Variants in LARS1 observed in about 807,000 individuals in gnomAD.
LARS1 encodes the protein leucine--tRNA ligase, cytoplasmic.
In LARS1, 100 loss-of-function variants were observed where a neutral mutation model predicts 162.8. That is an observed-to-expected ratio of 0.61 (90% CI 0.52 to 0.73). LARS1 has a LOEUF of 0.73. Among genes scored for constraint, LARS1 ranks in the 30% least tolerant of loss-of-function variants. The pLI is 0.00. For synonymous variants in LARS1, 457 were observed against 462.8 expected (o/e 0.99, Z 0.16); for missense variants, 1,258 against 1,408.9 (o/e 0.89, Z 1.71).
intron 29 of LARS1, among the ~76,000 whole-genome samples, chr5:146,123,077 C>T (rs1751897168): frequency 6.6e-6 from 1 of 151,902 alleles, no homozygotes; most frequent in Non-Finnish European, 1.5e-5. Flanking sequence ...TATATATGAA[C>T]ATTTAGATAT....
At chr5:146,151,236 C>G (rs1373237606) in intron 14 of LARS1, among the ~76,000 whole-genome samples, 1 of 151,990 alleles carries the variant, frequency 6.6e-6, no homozygotes. Flanking sequence ...GAAATGTAAC[C>G]AATTCTTGGT....
At chr5:146,172,845 G>A (rs909743978) in intron 2 of LARS1, 71 bp from the exon 3 acceptor site, 13 of 683,086 alleles carry the variant, frequency 1.9e-5, no homozygotes, top group African/African-American at 3.8e-5. Context: ...ATAAGGAAGT[G>A]GGGTGAAGGA....
intron 1 of LARS1, among the ~76,000 whole-genome samples, chr5:146,180,565 C>G (rs776738151): frequency 6.6e-6 from 1 of 152,022 alleles, no homozygotes; most frequent in Non-Finnish European, 1.5e-5. Context: ...GTAAAGAAGA[C>G]TATGAAAGCA....
At chr5:146,143,147 A>G (rs1481131529) in intron 19 of LARS1, 63 bp from the exon 20 acceptor site, 2 of 964,336 alleles carry the variant, frequency 2.1e-6, no homozygotes, top group East Asian at 5.8e-5. Flanking sequence ...TGGAAGAATC[A>G]GTACCTGAAT....
At position 146,129,023 on chromosome 5, in the gene LARS1, G is replaced by A. The variant is rs1433245219; in HGVS notation, c.2724C>T (p.Asp908=). Residue 908 remains aspartate (D), a synonymous_variant, in exon 26 of 32, where the codon GAC becomes GAT. Transcript: ENST00000394434. ...TATAGTTCTTGAGTCGTAGTCTAAG[G>A]TCATGTGTTACTTCCATAAGATACT... ...SSQYLMEVTH[D]LRLRLKNYMM... is the part of the protein sequence containing the mutation. The A allele has an allele frequency of 2.5e-6, 4 of 1,611,158 alleles. No homozygotes were observed. The highest frequency in any genetic ancestry group is 3.4e-6 in the Non-Finnish European group (4 of 1,178,754).
At chr5:146,138,119 C>CAAAAAAA in intron 21 of LARS1, 1 of 118,564 alleles carries the variant, frequency 8.4e-6, no homozygotes, top group Non-Finnish European at 1.7e-5. Context: ...GACTCTATCT[C>CAAAAAAA]AAAAAAAAAA....
intron 3 of LARS1, 134 bp downstream of exon 3, chr5:146,172,553 T>C (rs913755845): frequency 7.0e-6 from 3 of 427,342 alleles, no homozygotes; most frequent in Non-Finnish European, 1.3e-5. Flanking sequence ...ATTACTTAAA[T>C]ATAAAAAATT....
chr5:146,152,091 T>A, intron 13 of LARS1, 89 bp from the exon 14 acceptor site: 1 of 1,385,902 alleles, frequency 7.2e-7, no homozygotes, highest in Non-Finnish European at 1.0e-6. Flanking sequence ...AATGTCCAAT[T>A]AAGTCATTTC....
chr5:146,149,056 C>A (rs1239439479), intron 15 of LARS1, among the ~76,000 whole-genome samples: 1 of 151,398 alleles, frequency 6.6e-6, no homozygotes, highest in Admixed American at 6.6e-5. Context: ...GTCTGTGTAA[C>A]AAGAGCGAAA....
At chr5:146,121,925 T>G (rs1751840192) in intron 30 of LARS1, among the ~76,000 whole-genome samples, 1 of 152,056 alleles carries the variant, frequency 6.6e-6, no homozygotes, top group Non-Finnish European at 1.5e-5. Flanking sequence ...TGTATACCTA[T>G]GTAACAAACC....
chr5:146,123,309 G>A (rs1451230434), intron 29 of LARS1, among the ~76,000 whole-genome samples: 1 of 151,800 alleles, frequency 6.6e-6, no homozygotes, highest in African/African-American at 2.4e-5. Context: ...TTTTGCCTAA[G>A]TTGTCTGAGA....
At position 146,160,402 on chromosome 5, in the gene LARS1, C is replaced by A; in HGVS notation, c.679G>T (p.Glu227Ter). The A allele has an allele frequency of 6.4e-7, 1 of 1,570,806 alleles. No homozygotes were observed. The highest frequency in any genetic ancestry group is 8.6e-7 in the Non-Finnish European group (1 of 1,157,978). ...FVRWQFLTLR[E>*]RNKIKFGKRY... The stretch of plus-strand genomic sequence containing the variant: ...TTCCCAAATTTAATTTTGTTTCTTT[C>A]TCTTAATGTTAAAAATTGCCATCTG... Residue 227 changes from glutamate to a stop codon, truncating the protein, a stop_gained, in exon 7 of 32, where the codon GAA becomes TAA. Coordinates refer to ENST00000394434, the MANE Select transcript of LARS1 (RefSeq NM_020117.11). LOFTEE classifies it high-confidence loss of function.
chr5:146,140,180 CT>C (rs1004308828), intron 21 of LARS1, 23 bp downstream of exon 21: 2 of 1,590,362 alleles, frequency 1.3e-6, no homozygotes, highest in African/African-American at 2.7e-5. Flanking sequence ...GAATTTTAAA[CT>C]TTTAAGATGC....
At chr5:146,123,913 A>G (rs912968723) in intron 29 of LARS1, 69 bp downstream of exon 29, 3 of 740,384 alleles carry the variant, frequency 4.1e-6, no homozygotes, top group Non-Finnish European at 4.3e-6. Flanking sequence ...AAGGTTTATT[A>G]TAAAATAAAA....
intron 1 of LARS1, among the ~76,000 whole-genome samples, chr5:146,181,405 A>G (rs2126620800): frequency 6.6e-6 from 1 of 152,018 alleles, no homozygotes; most frequent in East Asian, 1.9e-4. Flanking sequence ...ACCAGGCGGG[A>G]TGGCTCATGC....
At chr5:146,118,330 A>G (rs973258692) in intron 31 of LARS1, among the ~76,000 whole-genome samples, 2 of 152,176 alleles carry the variant, frequency 1.3e-5, no homozygotes, top group Non-Finnish European at 2.9e-5. Context: ...ATTGAAGTAG[A>G]GAATAGAATC....
chr5:146,121,556 G>A (rs1751818033), intron 30 of LARS1, among the ~76,000 whole-genome samples: 1 of 152,124 alleles, frequency 6.6e-6, no homozygotes, highest in Admixed American at 6.6e-5. Context: ...GGCCACAATA[G>A]CAAAGACTTA....
At chr5:146,136,551 G>A (rs1752508386) in intron 21 of LARS1, among the ~76,000 whole-genome samples, 1 of 151,048 alleles carries the variant, frequency 6.6e-6, no homozygotes, top group African/African-American at 2.4e-5. Context: ...CGCAATCTTG[G>A]CTCAGTGCAA....
intron 5 of LARS1, among the ~76,000 whole-genome samples, chr5:146,164,819 T>C (rs919646240): frequency 2.6e-5 from 4 of 152,228 alleles, no homozygotes; most frequent in South Asian, 2.1e-4. Flanking sequence ...TATTTACCTA[T>C]AAAGAGGCTA....
Sources: gnomAD v4.1 joint callset for allele counts (sites outside exome capture counted in the v4.1 genomes callset) on GRCh38, gnomAD v4.1.1 for gene constraint, MANE v1.5 for transcripts, NCBI Gene and HGNC (gene_info 2026-07-23, HGNC 2026-07-21) for gene names.